The following PSD3 variants were observed in gnomAD, a reference collection of about 807,000 sequenced individuals.
PSD3 encodes the protein pleckstrin and Sec7 domain containing 3.
PSD3 carries 49 observed loss-of-function variants against 105.5 expected under a neutral mutation model. The ratio of observed to expected loss-of-function variants is 0.46; its 90% CI spans 0.37 to 0.59. PSD3 has a LOEUF of 0.59. PSD3 is among the 20% of genes least tolerant of loss of function. PSD3 has a pLI of 0.00. For missense variants in PSD3, 1,561 were observed against 1,263.8 expected (o/e 1.24, Z -3.57); for synonymous variants, 557 against 457.8 (o/e 1.22, Z -2.77).
At chr8:18,955,640 C>A (rs1195028103) in intron 1 of PSD3, among the ~76,000 whole-genome samples, 1 of 152,174 alleles carries the variant, frequency 6.6e-6, no homozygotes, top group East Asian at 1.9e-4. Context: ...AATGCATATT[C>A]AATACTCTTG....
chr8:18,996,419 C>A (rs1281143787), intron 1 of PSD3, among the ~76,000 whole-genome samples: 1 of 151,822 alleles, frequency 6.6e-6, no homozygotes, highest in Non-Finnish European at 1.5e-5. Context: ...ACCCAAAAGA[C>A]ATTTATTTAA....
In PSD3 at chr8:19,003,863, A is replaced by G. The variant is rs573745471; in HGVS notation, c.21+9700T>C. The stretch of plus-strand genomic sequence containing the variant: ...TCTCCCTGGCGAGGGATGTTTGTCA[A>G]CTGGAGACCACACCCACTAAAGAGA... On this transcript the variant is annotated intron_variant, in intron 1 of 15. Coordinates refer to ENST00000327040, the MANE Select transcript of PSD3 (RefSeq NM_015310.4). 3.3e-5 allele frequency among the ~76,000 whole-genome samples: 5 copies of G among 152,068 alleles called. No individual in the cohort carries two copies. In the South Asian group the frequency reaches 1.0e-3, roughly 32 times the overall value.
chr8:18,570,626 G>T (rs1347698756), intron 14 of PSD3, among the ~76,000 whole-genome samples: 1 of 145,104 alleles, frequency 6.9e-6, no homozygotes, highest in Non-Finnish European at 1.5e-5. Flanking sequence ...AAATTTACAA[G>T]AAAAAAACAA....
intron 1 of PSD3, among the ~76,000 whole-genome samples, chr8:19,066,883 C>T (rs1273888567): frequency 2.0e-5 from 3 of 152,164 alleles, no homozygotes; most frequent in Non-Finnish European, 4.4e-5. Flanking sequence ...CTGGGTGCCC[C>T]AATTATTCAT....
intron 15 of PSD3, among the ~76,000 whole-genome samples, chr8:18,544,528 T>C (rs145271532): frequency 0.017 from 2,521 of 152,248 alleles, 32 homozygotes; most frequent in Non-Finnish European, 0.028. Flanking sequence ...TTTTTATTTA[T>C]ATAGTTCGTG....
chr8:18,785,728 C>A (rs913697902), intron 8 of PSD3, among the ~76,000 whole-genome samples: 1 of 152,146 alleles, frequency 6.6e-6, no homozygotes, highest in Non-Finnish European at 1.5e-5. Flanking sequence ...TGATTCAAAG[C>A]GAGACGTATG....
chr8:18,680,320 T>C lies in PSD3; in HGVS notation c.2173-24635A>G, dbSNP rs993544291. On this transcript the variant is annotated intron_variant, in intron 9 of 15. Transcript: ENST00000327040. The stretch of plus-strand genomic sequence containing the variant: ...AGGGTACCCGAATACCCGGGGCTGA[T>C]TGTATTCTACTTTTAGGAAATTGTT... 3.3e-5 allele frequency among the ~76,000 whole-genome samples: 5 copies of C among 152,182 alleles called. No homozygotes were observed. The East Asian group carries it at 5.8e-4, about 18-fold the overall frequency.
In PSD3 at chr8:18,616,628, C is replaced by CTTTTTTT. The variant is rs71217391; in HGVS notation, c.2410+15978_2410+15984dup. Reference sequence around the variant, plus strand: ...GCCTCATCTTCCTCTCTTTTCTTTTCTTTTTTTTTTTTTGAGACGGAGTCT... The same window carrying CTTTTTTT: ...GCCTCATCTTCCTCTCTTTTCTTTTCTTTTTTTTTTTTTTTTTTTTGAGACGGAGTCT... On this transcript the variant is annotated intron_variant, in intron 11 of 15. Coordinates refer to ENST00000327040, the MANE Select transcript of PSD3 (RefSeq NM_015310.4). Among the ~76,000 whole-genome samples, 42 of 126,802 alleles carry CTTTTTTT rather than the reference C, an allele frequency of 3.3e-4. 4 individuals are homozygous for CTTTTTTT. In the South Asian group the frequency reaches 3.7e-3, roughly 11 times the overall value. The allele number at this position is 126,802 out of a possible 152,430, so 83.2% of individuals were successfully genotyped here. A position where few individuals can be genotyped will look rare whatever the true frequency, so the allele number is the denominator to read the frequency against.
chr8:18,562,437 A>C (rs766902111), intron 14 of PSD3, among the ~76,000 whole-genome samples: 7 of 152,208 alleles, frequency 4.6e-5, no homozygotes, highest in Non-Finnish European at 7.3e-5. Flanking sequence ...GCTGTCAACA[A>C]CATAGCTTCA....
intron 4 of PSD3, chr8:18,808,694 G>C (rs1304995327): frequency 1.9e-6 from 3 of 1,605,056 alleles, no homozygotes; most frequent in African/African-American, 1.3e-5. Context: ...ATTTGAACAA[G>C]AACCGGAATT....
rs551808089 is a variant in PSD3, at chr8:18,922,283, G to A, written c.130+13751C>T. On this transcript the variant is annotated intron_variant, in intron 2 of 15. Coordinates refer to ENST00000327040, the MANE Select transcript of PSD3 (RefSeq NM_015310.4). ...AAAGAGTTCTGTAAGTCAATAAAAG[G>A]CAAGCTCTCCAATATAAAACTCGTG... Among the ~76,000 whole-genome samples the A allele has an allele frequency of 3.3e-5, 5 of 152,196 alleles. No homozygotes were observed. In the South Asian group the frequency reaches 1.0e-3, roughly 32 times the overall value.
intron 9 of PSD3, among the ~76,000 whole-genome samples, chr8:18,686,164 C>T (rs778458422): frequency 2.0e-5 from 3 of 152,172 alleles, no homozygotes; most frequent in Non-Finnish European, 2.9e-5. Flanking sequence ...GCCCAATTGA[C>T]GTTACTCCTG....
chr8:18,927,797 C>A (rs553675673), intron 2 of PSD3, among the ~76,000 whole-genome samples: 1 of 152,296 alleles, frequency 6.6e-6, no homozygotes, highest in South Asian at 2.1e-4. Flanking sequence ...AAGAAGACAT[C>A]ATTGCGGACA....
intron 15 of PSD3, among the ~76,000 whole-genome samples, chr8:18,543,021 G>C (rs1485416071): frequency 6.6e-6 from 1 of 152,080 alleles, no homozygotes; most frequent in African/African-American, 2.4e-5. Flanking sequence ...TCCACTATCA[G>C]AAAAATAACT....
At chr8:19,045,357 G>A (rs1011370860) in intron 1 of PSD3, among the ~76,000 whole-genome samples, 2 of 152,188 alleles carry the variant, frequency 1.3e-5, no homozygotes, top group Non-Finnish European at 2.9e-5. Flanking sequence ...AATAGAAAAA[G>A]TTGACAAGGG....
chr8:18,786,793 G>T lies in PSD3; in HGVS notation c.2082+12502C>A, dbSNP rs541585438. 7.2e-5 allele frequency: 11 copies of T among 152,320 alleles called. 1 individual carries two copies. In the South Asian group the frequency reaches 2.3e-3, roughly 32 times the overall value. The allele number at this position is 152,320 out of a possible 1,614,324, so 9.4% of individuals were successfully genotyped here. ...CTCGAATGCTTGACTAGCTGAAGTT[G>T]CTTTTATCTGTTGATTGTACTCCTC... On this transcript the variant is annotated intron_variant, in intron 8 of 15. Coordinates refer to ENST00000327040, the MANE Select transcript of PSD3 (RefSeq NM_015310.4).
intron 8 of PSD3, among the ~76,000 whole-genome samples, chr8:18,783,353 T>A (rs1459223711): frequency 6.6e-6 from 1 of 152,208 alleles, no homozygotes; most frequent in Non-Finnish European, 1.5e-5. Flanking sequence ...GTTCTTTTAC[T>A]CATGGTCAGT....
chr8:18,772,912 T>G (rs1026213461), intron 8 of PSD3, among the ~76,000 whole-genome samples: 8 of 152,224 alleles, frequency 5.3e-5, no homozygotes, highest in Non-Finnish European at 1.2e-4. Flanking sequence ...ATATAGGAGT[T>G]CTTTACACAG....
intron 6 of PSD3, chr8:18,802,198 T>A (rs1188507802): frequency 4.6e-6 from 1 of 215,912 alleles, no homozygotes; most frequent in Non-Finnish European, 9.9e-6. Flanking sequence ...AGTAATTTAT[T>A]CCTTACATAA....
Sources: gnomAD v4.1 joint callset for allele counts (sites outside exome capture counted in the v4.1 genomes callset) on GRCh38, gnomAD v4.1.1 for gene constraint, MANE v1.5 for transcripts, NCBI Gene and HGNC (gene_info 2026-07-23, HGNC 2026-07-21) for gene names.